Variants in BMPER observed in about 807,000 individuals in gnomAD.
BMPER encodes BMP-binding endothelial regulator protein.
A neutral mutation model predicts 87.3 loss-of-function variants in BMPER; 45 were observed. The ratio of observed to expected loss-of-function variants is 0.52; its 90% CI spans 0.41 to 0.66. The LOEUF is 0.66. Ranked by LOEUF, BMPER falls within the 30% of genes least tolerant of loss-of-function variation. The pLI, the probability that BMPER is intolerant of heterozygous loss-of-function variation, is 0.00. For missense variants in BMPER, 784 were observed against 867.5 expected (o/e 0.90, Z 1.21); for synonymous variants, 326 against 316.2 (o/e 1.03, Z -0.33).
intron 14 of BMPER, among the ~76,000 whole-genome samples, chr7:34,150,528 C>T (rs188127353): frequency 2.6e-4 from 40 of 152,230 alleles, no homozygotes; most frequent in Non-Finnish European, 3.7e-4. Flanking sequence ...AATACAATTA[C>T]TCTGTATAAA....
chr7:34,127,249 A>G (rs1790429370), intron 13 of BMPER, among the ~76,000 whole-genome samples: 1 of 152,162 alleles, frequency 6.6e-6, no homozygotes, highest in Non-Finnish European at 1.5e-5. Flanking sequence ...TCTGTTTTGC[A>G]GAGAATCACA....
chr7:34,142,227 T>G (rs542507492), intron 13 of BMPER, among the ~76,000 whole-genome samples: 2 of 152,250 alleles, frequency 1.3e-5, no homozygotes, highest in South Asian at 4.2e-4. Flanking sequence ...ATGAGATTGT[T>G]GTGTAGTATA....
chr7:33,906,066 T>A (rs570737233), intron 1 of BMPER, among the ~76,000 whole-genome samples: 1 of 152,342 alleles, frequency 6.6e-6, no homozygotes, highest in East Asian at 1.9e-4. Context: ...AGGAAAAAAA[T>A]TTGTGCAGTT....
At chr7:34,112,112 T>C (rs1196495000) in intron 13 of BMPER, among the ~76,000 whole-genome samples, 1 of 152,212 alleles carries the variant, frequency 6.6e-6, no homozygotes, top group Non-Finnish European at 1.5e-5. Context: ...ATTTATGAAA[T>C]TCTTCCTTTT....
intron 3 of BMPER, among the ~76,000 whole-genome samples, chr7:33,938,695 A>G (rs751191111): frequency 6.6e-6 from 1 of 152,208 alleles, no homozygotes; most frequent in African/African-American, 2.4e-5. Context: ...AGGGGGAGAC[A>G]TGGACCCTTT....
chr7:34,052,060 G>A (rs1174814144), intron 8 of BMPER, 90 bp downstream of exon 8: 2 of 1,158,140 alleles, frequency 1.7e-6, no homozygotes, highest in Admixed American at 3.4e-5. Flanking sequence ...CCAATGGTGT[G>A]TTATTTATTG....
chr7:33,985,603 A>T (rs1785983189), intron 6 of BMPER, among the ~76,000 whole-genome samples: 1 of 152,194 alleles, frequency 6.6e-6, no homozygotes, highest in Admixed American at 6.5e-5. Flanking sequence ...TCCCACTCCA[A>T]TAATCAGTAT....
chr7:33,957,836 G>A (rs1055533257), intron 3 of BMPER, among the ~76,000 whole-genome samples: 4 of 152,144 alleles, frequency 2.6e-5, no homozygotes, highest in African/African-American at 9.7e-5. Flanking sequence ...CTGATGAGCC[G>A]TGAACACCCT....
chr7:33,920,518 T>C (rs781512321), intron 2 of BMPER, among the ~76,000 whole-genome samples: 7 of 141,734 alleles, frequency 4.9e-5, no homozygotes, highest in African/African-American at 8.0e-5. Context: ...CTCCACCTCC[T>C]GGGTTCAAGT....
intron 2 of BMPER, among the ~76,000 whole-genome samples, chr7:33,921,507 C>A (rs1254230363): frequency 6.6e-6 from 1 of 152,200 alleles, no homozygotes; most frequent in Non-Finnish European, 1.5e-5. Context: ...GCCACCTAAC[C>A]ACAAGGGTTG....
At chr7:34,129,610 AAGAGAGAG>A (rs1159641741) in intron 13 of BMPER, among the ~76,000 whole-genome samples, 1 of 69,644 alleles carries the variant, frequency 1.4e-5, no homozygotes, top group Non-Finnish European at 3.0e-5. Flanking sequence ...GAGAGAGAGA[AAGAGAGAG>A]AGAGAGAAAG....
intron 6 of BMPER, among the ~76,000 whole-genome samples, chr7:33,998,756 A>T (rs1361315015): frequency 6.6e-6 from 1 of 152,168 alleles, no homozygotes; most frequent in East Asian, 1.9e-4. Flanking sequence ...AAACAGTGTG[A>T]TGTGATCCCC....
intron 13 of BMPER, among the ~76,000 whole-genome samples, chr7:34,091,515 G>A (rs1789379627): frequency 6.6e-6 from 1 of 152,162 alleles, no homozygotes; most frequent in Non-Finnish European, 1.5e-5. Flanking sequence ...GCTGACACCA[G>A]GTGGCAGTAG....
intron 13 of BMPER, among the ~76,000 whole-genome samples, chr7:34,139,318 G>T (rs1225652246): frequency 1.3e-5 from 2 of 152,220 alleles, no homozygotes; most frequent in Non-Finnish European, 2.9e-5. Context: ...GCAGATTTTA[G>T]CTGGAGGAAC....
At chr7:33,978,768 TAGCCTGTCTTC>T (rs1785760911) in intron 6 of BMPER, among the ~76,000 whole-genome samples, 1 of 152,222 alleles carries the variant, frequency 6.6e-6, no homozygotes, top group Non-Finnish European at 1.5e-5. Context: ...TAGCTTAGCC[TAGCCTGTCTTC>T]AGCCTGCTCA....
At chr7:34,075,600 C>T (rs548516105) in intron 11 of BMPER, among the ~76,000 whole-genome samples, 10 of 152,290 alleles carry the variant, frequency 6.6e-5, no homozygotes, top group South Asian at 2.1e-4. Context: ...TTCTGACTTA[C>T]GCATATTCAA....
At chr7:34,084,143 T>C (rs1242141115) in intron 12 of BMPER, among the ~76,000 whole-genome samples, 1 of 151,678 alleles carries the variant, frequency 6.6e-6, no homozygotes, top group Non-Finnish European at 1.5e-5. Flanking sequence ...GTCTCTAAAA[T>C]ACAAAAGATT....
intron 6 of BMPER, among the ~76,000 whole-genome samples, chr7:34,001,347 A>G (rs1490033392): frequency 6.6e-6 from 1 of 151,848 alleles, no homozygotes; most frequent in African/African-American, 2.4e-5. Flanking sequence ...ATTTCTTCAT[A>G]TGGCATGAAT....
intron 11 of BMPER, among the ~76,000 whole-genome samples, chr7:34,069,683 A>G (rs1788688541): frequency 6.6e-6 from 1 of 152,176 alleles, no homozygotes; most frequent in African/African-American, 2.4e-5. Context: ...GAGGTTTGCC[A>G]GTTACTTTCT....
Sources: allele counts gnomAD v4.1 joint callset (sites outside exome capture counted in the v4.1 genomes callset), GRCh38; gene constraint gnomAD v4.1.1; transcripts MANE v1.5; gene names NCBI Gene and HGNC (gene_info 2026-07-23, HGNC 2026-07-21).